Variants in MSRA observed in about 807,000 individuals in gnomAD.
The protein encoded by MSRA is methionine sulfoxide reductase A, also known as mitochondrial peptide methionine sulfoxide reductase.
In MSRA, 54 loss-of-function variants were observed where a neutral mutation model predicts 31.3. The observed-to-expected ratio is 1.73, with a 90% CI of 1.39 to 2.17. The LOEUF (loss-of-function observed/expected upper bound fraction) is 2.17, where lower values mean the gene tolerates loss of function less well. Ranked by LOEUF, MSRA falls within the 30% of genes most tolerant of loss-of-function variation. The pLI is 0.00. For missense variants in MSRA, 507 were observed against 300.9 expected (o/e 1.69, Z -5.07); for synonymous variants, 169 against 116.5 (o/e 1.45, Z -2.90).
intron 1 of MSRA, among the ~76,000 whole-genome samples, chr8:10,183,254 G>A (rs954596571): frequency 2.3e-4 from 35 of 152,200 alleles, no homozygotes; most frequent in African/African-American, 7.7e-4. Flanking sequence ...GGATGTAGGA[G>A]GTGATAAAGA....
At position 10,304,083 on chromosome 8, in the gene MSRA, A is replaced by G. The variant is rs551216783; in HGVS notation, c.436+2445A>G. Among the ~76,000 whole-genome samples, 12 of 152,306 alleles carry G rather than the reference A, an allele frequency of 7.9e-5. 1 individual carries two copies. In the South Asian group the frequency reaches 2.5e-3, roughly 32 times the overall value. On this transcript the variant is annotated intron_variant, in intron 4 of 5. Coordinates refer to ENST00000317173, the MANE Select transcript of MSRA (RefSeq NM_012331.5). ...CCTGAGTAGCTGGGATTACAGGTGC[A>G]TGCCACCATACCTGGCTAATTTTTC...
chr8:10,137,095 T>C (rs1802338922), intron 1 of MSRA, among the ~76,000 whole-genome samples: 1 of 152,198 alleles, frequency 6.6e-6, no homozygotes, highest in African/African-American at 2.4e-5. Flanking sequence ...ATCCTTGTTG[T>C]GTTCTGAAGA....
chr8:10,405,676 G>A (rs1376045734), intron 5 of MSRA, among the ~76,000 whole-genome samples: 1 of 152,216 alleles, frequency 6.6e-6, no homozygotes, highest in Admixed American at 6.5e-5. Context: ...GGTGAGGCTT[G>A]GAGATGACCT....
At chr8:10,268,905 T>G (rs1336930337) in intron 3 of MSRA, among the ~76,000 whole-genome samples, 4 of 152,234 alleles carry the variant, frequency 2.6e-5, no homozygotes, top group Admixed American at 1.3e-4. Flanking sequence ...AACTTGATAG[T>G]GGTAACCTTT....
intron 3 of MSRA, among the ~76,000 whole-genome samples, chr8:10,276,820 C>G (rs1354699267): frequency 2.0e-5 from 3 of 151,914 alleles, no homozygotes; most frequent in Admixed American, 6.5e-5. Flanking sequence ...CCCTCCTCCA[C>G]TTTGACCCCA....
chr8:10,219,662 T>C (rs7004130), intron 2 of MSRA, among the ~76,000 whole-genome samples: 65,396 of 151,192 alleles, frequency 0.43, 14,244 homozygotes, highest in East Asian at 0.6. Context: ...AAAAATTAGC[T>C]GGGCGTGGCG....
At chr8:10,402,352 G>A (rs1807518036) in intron 5 of MSRA, among the ~76,000 whole-genome samples, 1 of 152,240 alleles carries the variant, frequency 6.6e-6, no homozygotes, top group Admixed American at 6.5e-5. Flanking sequence ...ACCGTGACAG[G>A]CCTCTGATGC....
intron 2 of MSRA, among the ~76,000 whole-genome samples, chr8:10,231,369 A>C (rs1453803549): frequency 1.3e-5 from 2 of 152,238 alleles, no homozygotes; most frequent in Non-Finnish European, 2.9e-5. Flanking sequence ...AGGATCTAGG[A>C]AAATGGTGAT....
intron 2 of MSRA, among the ~76,000 whole-genome samples, chr8:10,219,547 C>G (rs1810294979): frequency 6.6e-6 from 1 of 152,092 alleles, no homozygotes; most frequent in Admixed American, 6.5e-5. Flanking sequence ...CGGTGGCTCA[C>G]ACCTGTAATC....
chr8:10,374,179 C>G (rs1805629905), intron 5 of MSRA, among the ~76,000 whole-genome samples: 1 of 152,104 alleles, frequency 6.6e-6, no homozygotes, highest in South Asian at 2.1e-4. Context: ...CCGTTTGGTC[C>G]CAGAACACTT....
chr8:10,202,283 T>G (rs1476074294), intron 1 of MSRA, among the ~76,000 whole-genome samples: 1 of 152,216 alleles, frequency 6.6e-6, no homozygotes, highest in Non-Finnish European at 1.5e-5. Flanking sequence ...AAACTCCACC[T>G]TGGTTTCTAG....
At chr8:10,305,281 T>G (rs1801066260) in intron 4 of MSRA, among the ~76,000 whole-genome samples, 1 of 152,138 alleles carries the variant, frequency 6.6e-6, no homozygotes, top group African/African-American at 2.4e-5. Flanking sequence ...TTCAGTTAAA[T>G]CAGATCTTCA....
intron 5 of MSRA, among the ~76,000 whole-genome samples, chr8:10,395,697 G>C (rs1807053947): frequency 6.6e-6 from 1 of 152,088 alleles, no homozygotes. Flanking sequence ...CACATCCATT[G>C]ACCCTGGGTT....
intron 3 of MSRA, among the ~76,000 whole-genome samples, chr8:10,260,441 C>T (rs920662991): frequency 6.6e-6 from 1 of 152,166 alleles, no homozygotes; most frequent in Non-Finnish European, 1.5e-5. Flanking sequence ...GGACAGAATA[C>T]CCCACGACTC....
intron 1 of MSRA, among the ~76,000 whole-genome samples, chr8:10,080,206 G>T (rs1186290681): frequency 6.6e-6 from 1 of 152,122 alleles, no homozygotes; most frequent in Non-Finnish European, 1.5e-5. Context: ...CTCAGTCTAG[G>T]GGAAGTTACT....
chr8:10,417,374 G>T (rs1808523942), intron 5 of MSRA, among the ~76,000 whole-genome samples: 2 of 150,978 alleles, frequency 1.3e-5, no homozygotes, highest in African/African-American at 4.9e-5. Flanking sequence ...GTTGCTCCGG[G>T]GTCCTCTTTG....
At chr8:10,343,260 G>A (rs540306924) in intron 5 of MSRA, among the ~76,000 whole-genome samples, 41 of 152,280 alleles carry the variant, frequency 2.7e-4, no homozygotes, top group Middle Eastern at 3.4e-3. Context: ...TGAGAACACC[G>A]TCTCTATCTG....
rs56843505 is a variant in MSRA at position 10,344,574 on chromosome 8, C to CAA, written c.543+24613_543+24614dup. 4.8e-4 allele frequency among the ~76,000 whole-genome samples: 31 copies of CAA among 64,634 alleles called. 2 individuals are homozygous for CAA. The highest frequency in any genetic ancestry group is 2.6e-3 in the East Asian group (3 of 1,140). The allele number at this position is 64,634 out of a possible 152,430, so 42.4% of individuals were successfully genotyped here. ...TGGGTGACAGAGGGAGACTCCGTCT[C>CAA]AAAAAAAAAAAAAAAAAAAAAAAAA... On this transcript the variant is annotated intron_variant, in intron 5 of 5. Coordinates refer to ENST00000317173, the MANE Select transcript of MSRA (RefSeq NM_012331.5).
intron 5 of MSRA, among the ~76,000 whole-genome samples, chr8:10,329,135 T>A (rs777881874): frequency 2.9e-4 from 44 of 152,230 alleles, no homozygotes; most frequent in Non-Finnish European, 5.9e-4. Context: ...AATCTCTGAC[T>A]TTTTTGTCCC....
Sources: gnomAD v4.1 joint callset for allele counts (sites outside exome capture counted in the v4.1 genomes callset) on GRCh38, gnomAD v4.1.1 for gene constraint, MANE v1.5 for transcripts, NCBI Gene and HGNC (gene_info 2026-07-23, HGNC 2026-07-21) for gene names.